The following PDE1A variants were observed in gnomAD, a reference collection of about 807,000 sequenced individuals.
PDE1A encodes the protein dual specificity calcium/calmodulin-dependent 3',5'-cyclic nucleotide phosphodiesterase 1A.
PDE1A carries 35 observed loss-of-function variants against 61.7 expected under a neutral mutation model. That is an observed-to-expected ratio of 0.57 (90% CI 0.43 to 0.75). The LOEUF is 0.75. PDE1A is among the 30% of genes least tolerant of loss of function. The pLI is 0.00. For missense variants in PDE1A, 597 were observed against 630.6 expected (o/e 0.95, Z 0.57); for synonymous variants, 232 against 213.2 (o/e 1.09, Z -0.77).
At chr2:182,345,059 G>T (rs199560717) in intron 1 of PDE1A, among the ~76,000 whole-genome samples, 1 of 152,110 alleles carries the variant, frequency 6.6e-6, no homozygotes, top group Non-Finnish European at 1.5e-5. Context: ...GGGCTAAAAT[G>T]GGATGACTAT....
At chr2:182,350,946 G>T (rs556171025) in intron 1 of PDE1A, among the ~76,000 whole-genome samples, 1 of 152,274 alleles carries the variant, frequency 6.6e-6, no homozygotes, top group East Asian at 1.9e-4. Flanking sequence ...GGCTCTAGTT[G>T]TTACCACTCT....
intron 1 of PDE1A, among the ~76,000 whole-genome samples, chr2:182,416,761 G>C (rs1574605287): frequency 6.6e-6 from 1 of 152,126 alleles, no homozygotes; most frequent in Non-Finnish European, 1.5e-5. Flanking sequence ...CTACTTTCTG[G>C]GGATATTAAT....
At chr2:182,361,438 A>G (rs1157966748) in intron 1 of PDE1A, among the ~76,000 whole-genome samples, 1 of 152,096 alleles carries the variant, frequency 6.6e-6, no homozygotes, top group Non-Finnish European at 1.5e-5. Context: ...AAATCTAAAC[A>G]TGAGAGTTGT....
intron 1 of PDE1A, among the ~76,000 whole-genome samples, chr2:182,400,685 G>A (rs143418814): frequency 6.6e-6 from 1 of 152,292 alleles, no homozygotes; most frequent in East Asian, 1.9e-4. Context: ...AAAGCGGAAT[G>A]ATGTCTTTTG....
At chr2:182,575,173 T>C in the PDE1A span, among the ~76,000 whole-genome samples, 97 of 152,314 alleles carry the variant, frequency 6.4e-4, no homozygotes, top group African/African-American at 2.3e-3. Flanking sequence ...CTGAGGGGTC[T>C]GAGACACTTG....
the PDE1A span, among the ~76,000 whole-genome samples, chr2:182,572,275 T>C: frequency 1.3e-4 from 20 of 152,176 alleles, no homozygotes; most frequent in Non-Finnish European, 2.2e-4. Context: ...TAAAGAAGAA[T>C]GAGGAGAAAA....
intron 2 of PDE1A, among the ~76,000 whole-genome samples, chr2:182,467,841 C>T (rs959050788): frequency 4.6e-5 from 7 of 152,024 alleles, no homozygotes; most frequent in Admixed American, 3.9e-4. Context: ...CAGTTCTAGT[C>T]TACCACAATA....
chr2:182,287,378 C>T lies in PDE1A; in HGVS notation c.54-22964G>A, dbSNP rs563566678. ...TTATGAGAATTTGGTAGGTTTCTTTCTGTCAGGCTATTTATTTTTTATTTG... is the reference window on the plus strand; with the variant it reads ...TTATGAGAATTTGGTAGGTTTCTTTTTGTCAGGCTATTTATTTTTTATTTG... On this transcript the variant is annotated intron_variant, in intron 1 of 13. Coordinates refer to ENST00000351439, the Ensembl canonical transcript of PDE1A. Among the ~76,000 whole-genome samples the T allele has an allele frequency of 7.9e-5, 12 of 152,196 alleles. No homozygotes were observed. The South Asian group carries it at 2.3e-3, about 29-fold the overall frequency.
chr2:182,557,273 T>C, the PDE1A span, among the ~76,000 whole-genome samples: 1 of 152,142 alleles, frequency 6.6e-6, no homozygotes, highest in Non-Finnish European at 1.5e-5. Context: ...ATACATTAAA[T>C]TTTATGAAAA....
the PDE1A span, among the ~76,000 whole-genome samples, chr2:182,566,771 C>T: frequency 6.6e-6 from 1 of 152,014 alleles, no homozygotes; most frequent in Non-Finnish European, 1.5e-5. Context: ...ATTCTAAGAC[C>T]ATCTACCAGT....
At chr2:182,295,057 CTTTTTTT>C (rs11420821) in intron 1 of PDE1A, among the ~76,000 whole-genome samples, 11 of 59,372 alleles carry the variant, frequency 1.9e-4, no homozygotes, top group East Asian at 1.2e-3. Flanking sequence ...AAAAGGTAAT[CTTTTTTT>C]TTTTTTTTTT....
chr2:182,496,851 C>T (rs1688746258), intron 2 of PDE1A, among the ~76,000 whole-genome samples: 1 of 152,188 alleles, frequency 6.6e-6, no homozygotes, highest in South Asian at 2.1e-4. Flanking sequence ...GCCCTGACTT[C>T]CGGCTCCTAT....
At chr2:182,447,816 TTAAC>T (rs1318707675) in intron 2 of PDE1A, among the ~76,000 whole-genome samples, 7 of 152,122 alleles carry the variant, frequency 4.6e-5, no homozygotes, top group African/African-American at 9.6e-5. Context: ...AATTAATTAA[TTAAC>T]TAATTAATAT....
Position 182,218,855 on chromosome 2 carries a change from T to G in PDE1A, c.776+5009A>C, listed in dbSNP as rs566168579. On this transcript the variant is annotated intron_variant, in intron 7 of 13. Coordinates refer to ENST00000351439, the Ensembl canonical transcript of PDE1A. ...TTAGCGTTGTTTTAATTATCATTAT[T>G]ATAGTTTAAATGTGTTTATGGCTTT... Among the ~76,000 whole-genome samples the G allele has an allele frequency of 1.4e-4, 21 of 152,238 alleles. No homozygotes were observed. In the South Asian group the frequency reaches 4.1e-3, roughly 30 times the overall value.
At chr2:182,288,727 C>G (rs1475824400) in intron 1 of PDE1A, among the ~76,000 whole-genome samples, 4 of 151,994 alleles carry the variant, frequency 2.6e-5, no homozygotes, top group Non-Finnish European at 5.9e-5. Flanking sequence ...GCTGCCAAAC[C>G]TGCTTGTGGA....
intron 1 of PDE1A, among the ~76,000 whole-genome samples, chr2:182,389,453 A>T (rs551498729): frequency 3.3e-5 from 5 of 152,340 alleles, no homozygotes; most frequent in African/African-American, 1.2e-4. Flanking sequence ...GCATGAATAT[A>T]CATTTCTCAA....
the PDE1A span, among the ~76,000 whole-genome samples, chr2:182,680,325 C>T: frequency 6.6e-6 from 1 of 151,954 alleles, no homozygotes; most frequent in Non-Finnish European, 1.5e-5. Flanking sequence ...ATCCTCCCAC[C>T]TCAGCTTCCC....
downstream of PDE1A, among the ~76,000 whole-genome samples, chr2:182,165,350 A>G (rs1314418444): frequency 6.6e-6 from 1 of 152,088 alleles, no homozygotes; most frequent in African/African-American, 2.4e-5. Flanking sequence ...CTGAACTGGG[A>G]ATTAAAACTG....
intron 13 of PDE1A, among the ~76,000 whole-genome samples, chr2:182,153,819 G>A (rs982587660): frequency 1.3e-5 from 2 of 152,180 alleles, no homozygotes; most frequent in Admixed American, 1.3e-4. Context: ...ATGAAAAATG[G>A]GGTGAAAATT....
Sources: gnomAD v4.1 joint callset for allele counts (sites outside exome capture counted in the v4.1 genomes callset) on GRCh38, gnomAD v4.1.1 for gene constraint, MANE v1.5 for transcripts, NCBI Gene and HGNC (gene_info 2026-07-23, HGNC 2026-07-21) for gene names.